The following NPIPA6 variants were observed in gnomAD, a reference collection of about 807,000 sequenced individuals.
NPIPA6 encodes nuclear pore complex interacting protein family, member A6.
the NPIPA6 span, among the ~76,000 whole-genome samples, chr16:16,343,396 A>ATT: frequency 4.6e-4 from 15 of 32,458 alleles, no homozygotes; most frequent in Admixed American, 1.2e-3. Context: ...TGGCCTATAT[A>ATT]TTTTTTTTTT....
the NPIPA6 span, among the ~76,000 whole-genome samples, chr16:16,343,611 G>A: frequency 8.4e-6 from 1 of 119,232 alleles, no homozygotes; most frequent in South Asian, 3.0e-4. Flanking sequence ...GGTGAGGCTG[G>A]TCTCAAACTC....
the NPIPA6 span, among the ~76,000 whole-genome samples, chr16:16,337,152 C>G: frequency 1.1e-5 from 1 of 94,350 alleles, no homozygotes; most frequent in Non-Finnish European, 2.0e-5. Flanking sequence ...CCCCGCTGCA[C>G]TCTTGTCTCT....
chr16:16,343,119 A>G, the NPIPA6 span, among the ~76,000 whole-genome samples: 2 of 131,526 alleles, frequency 1.5e-5, no homozygotes, highest in Admixed American at 7.9e-5. Flanking sequence ...TTTGAGACGG[A>G]GTCTCACTCT....
chr16:16,343,854 G>A, the NPIPA6 span, among the ~76,000 whole-genome samples: 1 of 35,786 alleles, frequency 2.8e-5, no homozygotes, highest in Non-Finnish European at 4.7e-5. Context: ...CGAGTAGCTC[G>A]GATTACAGGC....
the NPIPA6 span, among the ~76,000 whole-genome samples, chr16:16,343,414 G>C: frequency 6.0e-5 from 2 of 33,272 alleles, no homozygotes; most frequent in African/African-American, 1.7e-4. Context: ...TTTTTTTTTT[G>C]AGACAGAGTT....
the NPIPA6 span, among the ~76,000 whole-genome samples, chr16:16,343,712 G>GTT: frequency 1.4e-4 from 14 of 103,458 alleles, no homozygotes; most frequent in African/African-American, 5.5e-4. Context: ...ATTCTTGTGT[G>GTT]TTGTGTGTGT....
At chr16:16,337,549 G>C in the NPIPA6 span, 1 of 21,830 alleles carries the variant, frequency 4.6e-5, no homozygotes. Flanking sequence ...ACTTTGGAAA[G>C]TACATACACC....
the NPIPA6 span, chr16:16,336,127 C>T: frequency 1.6e-4 from 1 of 6,332 alleles, no homozygotes; most frequent in South Asian, 9.8e-4. Context: ...TTGGGGAGGA[C>T]CAGAAATCAG....
At chr16:16,343,706 TTGTGTGTTGTGTG>T in the NPIPA6 span, among the ~76,000 whole-genome samples, 1 of 111,024 alleles carries the variant, frequency 9.0e-6, no homozygotes, top group Non-Finnish European at 1.8e-5. Flanking sequence ...CATGTCATTC[TTGTGTGTTGTGTG>T]TGTGTGTGTG....
the NPIPA6 span, among the ~76,000 whole-genome samples, chr16:16,343,398 T>TATA: frequency 7.3e-4 from 15 of 20,664 alleles, 2 homozygotes; most frequent in East Asian, 0.01. Flanking sequence ...GCCTATATAT[T>TATA]TTTTTTTTTT....
the NPIPA6 span, among the ~76,000 whole-genome samples, chr16:16,343,740 T>TGA: frequency 2.6e-4 from 19 of 73,564 alleles, no homozygotes; most frequent in African/African-American, 8.5e-4. Flanking sequence ...TGTGTGTGTG[T>TGA]GACAGAGTCT....
chr16:16,343,396 ATT>A, the NPIPA6 span, among the ~76,000 whole-genome samples: 164 of 32,500 alleles, frequency 5.0e-3, 5 homozygotes, highest in African/African-American at 7.8e-3. Flanking sequence ...TGGCCTATAT[ATT>A]TTTTTTTTTT....
At chr16:16,336,585 C>T in the NPIPA6 span, 1 of 221,806 alleles carries the variant, frequency 4.5e-6, no homozygotes, top group South Asian at 3.3e-5. Flanking sequence ...TCCCCCTCCC[C>T]TCCCCCTCCC....
chr16:16,339,208 T>G, the NPIPA6 span, among the ~76,000 whole-genome samples: 11 of 17,668 alleles, frequency 6.2e-4, no homozygotes, highest in Non-Finnish European at 7.4e-4. Context: ...AAAACAAAAA[T>G]AAAAGATAAG....
chr16:16,343,378 A>C, the NPIPA6 span, among the ~76,000 whole-genome samples: 1 of 67,416 alleles, frequency 1.5e-5, no homozygotes, highest in Non-Finnish European at 2.9e-5. Context: ...GGCGTGAGCT[A>C]CCGCACCTGG....
At chr16:16,336,572 C>G in the NPIPA6 span, 2 of 210,544 alleles carry the variant, frequency 9.5e-6, no homozygotes, top group African/African-American at 8.1e-5. Flanking sequence ...CCTCCCCTTC[C>G]CCTCCCCCTC....
chr16:16,343,163 G>A, the NPIPA6 span, among the ~76,000 whole-genome samples: 28,946 of 132,960 alleles, frequency 0.22, 457 homozygotes, highest in South Asian at 0.27. Flanking sequence ...TGGGATCTTG[G>A]CTCACTGCAA....
the NPIPA6 span, chr16:16,344,019 G>A: frequency 0.015 from 480 of 31,756 alleles, 1 homozygote; most frequent in Non-Finnish European, 0.019. Context: ...GTGCCCAGCC[G>A]TCATTCTTAT....
the NPIPA6 span, among the ~76,000 whole-genome samples, chr16:16,343,870 C>T: frequency 3.9e-4 from 12 of 30,882 alleles, no homozygotes; most frequent in East Asian, 0.017. Flanking sequence ...CAGGCGCCCA[C>T]TGCCATGCCC....
Sources: gnomAD v4.1 joint callset for allele counts (sites outside exome capture counted in the v4.1 genomes callset) on GRCh38, gnomAD v4.1.1 for gene constraint, MANE v1.5 for transcripts, NCBI Gene and HGNC (gene_info 2026-07-23, HGNC 2026-07-21) for gene names.